Variants in SOX6 observed in about 807,000 individuals in gnomAD.
SOX6 encodes transcription factor SOX-6.
A neutral mutation model predicts 97.8 loss-of-function variants in SOX6; 11 were observed. The ratio of observed to expected loss-of-function variants is 0.11; its 90% confidence interval spans 0.07 to 0.19. The LOEUF (loss-of-function observed/expected upper bound fraction) is 0.19, where lower values mean the gene tolerates loss of function less well. SOX6 is among the 10% of genes least tolerant of loss of function. The pLI is 1.00. For missense variants in SOX6, 810 were observed against 1,039.5 expected (o/e 0.78, Z 3.04); for synonymous variants, 360 against 371.4 (o/e 0.97, Z 0.35).
intron 2 of SOX6, among the ~76,000 whole-genome samples, chr11:16,735,399 A>G (rs1848384021): frequency 6.6e-6 from 1 of 152,200 alleles, no homozygotes; most frequent in Non-Finnish European, 1.5e-5. Context: ...AATTTCCCTC[A>G]GCCAAAATGA....
chr11:16,418,914 C>T (rs1161971191), intron 1 of SOX6, among the ~76,000 whole-genome samples: 2 of 152,090 alleles, frequency 1.3e-5, no homozygotes, highest in African/African-American at 4.8e-5. Context: ...AGACAGCCTC[C>T]CACTCCTATT....
intron 13 of SOX6, among the ~76,000 whole-genome samples, chr11:16,001,884 A>T (rs923709368): frequency 1.5e-4 from 23 of 152,194 alleles, no homozygotes; most frequent in Non-Finnish European, 3.1e-4. Context: ...TAAAAGATCA[A>T]CAAGAGGAAC....
intron 11 of SOX6, among the ~76,000 whole-genome samples, chr11:16,047,302 G>A (rs1201771270): frequency 6.6e-6 from 1 of 152,072 alleles, no homozygotes; most frequent in Non-Finnish European, 1.5e-5. Context: ...GGTTAATGAA[G>A]CATTCTTCTC....
intron 1 of SOX6, among the ~76,000 whole-genome samples, chr11:16,473,493 G>A (rs1401056782): frequency 6.6e-6 from 1 of 151,756 alleles, no homozygotes; most frequent in African/African-American, 2.4e-5. Flanking sequence ...GTTGATGGCT[G>A]CTGACTGGTC....
At chr11:16,049,563 TTTATA>T in intron 11 of SOX6, 187 bp downstream of exon 11, 1 of 664,188 alleles carries the variant, frequency 1.5e-6, no homozygotes, top group South Asian at 2.0e-5. Context: ...CCCAGCAGGA[TTTATA>T]TTATGACCTT....
At chr11:16,219,850 A>G (rs1775096766) in intron 4 of SOX6, among the ~76,000 whole-genome samples, 1 of 151,986 alleles carries the variant, frequency 6.6e-6, no homozygotes, top group Admixed American at 6.6e-5. Context: ...CCCAGAGCAC[A>G]TCCTAGTACC....
intron 3 of SOX6, among the ~76,000 whole-genome samples, chr11:16,677,598 C>T (rs1501452): frequency 0.29 from 44,146 of 152,028 alleles, 7,690 homozygotes; most frequent in Non-Finnish European, 0.39. Context: ...ATTCTTTCTA[C>T]ATATTTGGAT....
At chr11:16,469,715 G>A (rs1360268091) in intron 1 of SOX6, among the ~76,000 whole-genome samples, 1 of 152,010 alleles carries the variant, frequency 6.6e-6, no homozygotes, top group African/African-American at 2.4e-5. Context: ...TTATTTTGGT[G>A]GCAGGCCATT....
chr11:16,000,484 A>T (rs1177224367), intron 13 of SOX6, among the ~76,000 whole-genome samples: 9 of 152,256 alleles, frequency 5.9e-5, no homozygotes, highest in Admixed American at 5.9e-4. Flanking sequence ...TGTTGAATAT[A>T]TAAGAGCCGA....
intron 4 of SOX6, among the ~76,000 whole-genome samples, chr11:16,583,652 A>T (rs1848062219): frequency 1.4e-5 from 1 of 72,562 alleles, no homozygotes; most frequent in Non-Finnish European, 2.9e-5. Flanking sequence ...TACACACACC[A>T]CATTTTCTTT....
intron 1 of SOX6, among the ~76,000 whole-genome samples, chr11:16,396,434 G>T (rs908937598): frequency 6.6e-6 from 1 of 151,582 alleles, no homozygotes; most frequent in Non-Finnish European, 1.5e-5. Flanking sequence ...ATATAATGTA[G>T]ATTTCCGACA....
At chr11:16,512,840 T>C (rs1860901298) in intron 4 of SOX6, among the ~76,000 whole-genome samples, 1 of 152,070 alleles carries the variant, frequency 6.6e-6, no homozygotes, top group Non-Finnish European at 1.5e-5. Context: ...TAAAGGAAAA[T>C]AACAAAACTA....
chr11:16,035,969 A>T (rs75454046), intron 12 of SOX6, among the ~76,000 whole-genome samples: 1 of 152,168 alleles, frequency 6.6e-6, no homozygotes, highest in African/African-American at 2.4e-5. Flanking sequence ...CAGTCTCAGT[A>T]ACACCCTGTG....
At chr11:16,183,982 A>G (rs1328303202) in intron 5 of SOX6, 28 bp from the exon 6 acceptor site, 1 of 1,593,954 alleles carries the variant, frequency 6.3e-7, no homozygotes, top group East Asian at 2.2e-5. Context: ...TCATTAAGTT[A>G]AAATGAAATG....
chr11:16,289,354 TG>T, intron 3 of SOX6, among the ~76,000 whole-genome samples: 1 of 152,102 alleles, frequency 6.6e-6, no homozygotes, highest in Middle Eastern at 3.4e-3. Context: ...TGGCACACTC[TG>T]GTAGCTTCCA....
chr11:16,085,160 A>G (rs998902812), intron 9 of SOX6, among the ~76,000 whole-genome samples: 7 of 152,104 alleles, frequency 4.6e-5, no homozygotes, highest in Non-Finnish European at 4.4e-5. Flanking sequence ...TTTGGCCATG[A>G]AGAGGATGTT....
chr11:16,506,811 C>A (rs1860794918), intron 4 of SOX6, among the ~76,000 whole-genome samples: 1 of 152,154 alleles, frequency 6.6e-6, no homozygotes, highest in African/African-American at 2.4e-5. Flanking sequence ...CACCCATAAT[C>A]CCAGAACTTT....
At chr11:16,175,182 A>C (rs1851150737) in intron 6 of SOX6, among the ~76,000 whole-genome samples, 1 of 151,970 alleles carries the variant, frequency 6.6e-6, no homozygotes, top group South Asian at 2.1e-4. Flanking sequence ...GTATAGATAC[A>C]AATGTGTGTA....
intron 6 of SOX6, among the ~76,000 whole-genome samples, chr11:16,183,667 A>C (rs1590005450): frequency 6.6e-6 from 1 of 152,016 alleles, no homozygotes. Context: ...AAAAAAGATA[A>C]GGGTTATTTT....
Sources: allele counts gnomAD v4.1 joint callset (sites outside exome capture counted in the v4.1 genomes callset), GRCh38; gene constraint gnomAD v4.1.1; transcripts MANE v1.5; gene names NCBI Gene and HGNC (gene_info 2026-07-23, HGNC 2026-07-21).